PREX2: variants seen among roughly 807,000 people sequenced by gnomAD.
The protein encoded by PREX2 is phosphatidylinositol 3,4,5-trisphosphate-dependent Rac exchanger 2 protein.
In PREX2, 107 loss-of-function variants were observed where a neutral mutation model predicts 203.2. That is an observed-to-expected ratio of 0.53 (90% confidence interval 0.45 to 0.62). The LOEUF (loss-of-function observed/expected upper bound fraction) is 0.62, where lower values mean the gene tolerates loss of function less well. Ranked by LOEUF, PREX2 falls within the 20% of genes least tolerant of loss-of-function variation. PREX2 has a pLI of 0.00. For synonymous variants in PREX2, 672 were observed against 663.6 expected, an observed-to-expected ratio of 1.01 and a Z score of -0.19; for missense variants, 1,777 against 1,955.9, an observed-to-expected ratio of 0.91 and a Z score of 1.72.
At chr8:68,152,669 C>T (rs762774116) in intron 34 of PREX2, among the ~76,000 whole-genome samples, 1 of 152,108 alleles carries the variant, frequency 6.6e-6, no homozygotes, top group African/African-American at 2.4e-5. Context: ...TCAGGAGGCC[C>T]GCAGGCTGAC....
chr8:68,030,701 T>C, intron 6 of PREX2, 43 bp downstream of exon 6: 2 of 1,595,248 alleles, frequency 1.3e-6, no homozygotes, highest in Non-Finnish European at 1.7e-6. Flanking sequence ...GATAGTTTTA[T>C]GTTGCAGGCC....
intron 8 of PREX2, among the ~76,000 whole-genome samples, chr8:68,045,794 G>C (rs1808335498): frequency 6.6e-6 from 1 of 152,092 alleles, no homozygotes; most frequent in African/African-American, 2.4e-5. Context: ...TGCAGTTGCA[G>C]ATACTCCCGT....
chr8:68,170,004 G>C (rs902588450), intron 35 of PREX2, among the ~76,000 whole-genome samples: 2 of 152,152 alleles, frequency 1.3e-5, no homozygotes, highest in Non-Finnish European at 2.9e-5. Flanking sequence ...CAGAGGAGGT[G>C]GTTAAGGATG....
rs759978783 is a variant in PREX2 at position 68,093,593 on chromosome 8, C to T, written c.2251-12C>T. 1 of 1,390,730 alleles carries T rather than the reference C, an allele frequency of 7.2e-7. No individual in the cohort carries two copies. Among genetic ancestry groups the T allele is most frequent in the Non-Finnish European group, 1.0e-6 (1 of 990,270 alleles). The allele number at this position is 1,390,730 out of a possible 1,614,324, so 86.1% of individuals were successfully genotyped here. A position where few individuals can be genotyped will look rare whatever the true frequency, so the allele number is the denominator to read the frequency against. ...TAATACCTCTGAGGTTTCTTTCCCC[C>T]CTCATTTCCAGCAAGATTCCATACA... On this transcript the variant is annotated splice_polypyrimidine_tract_variant and intron_variant, in intron 20 of 39. Transcript: ENST00000288368.
At chr8:68,076,757 A>G (rs1249342675) in intron 14 of PREX2, among the ~76,000 whole-genome samples, 2 of 151,896 alleles carry the variant, frequency 1.3e-5, no homozygotes, top group East Asian at 3.9e-4. Flanking sequence ...CCATACTTAA[A>G]GGCATAAAAT....
intron 15 of PREX2, among the ~76,000 whole-genome samples, chr8:68,078,282 C>T (rs2129611831): frequency 6.6e-6 from 1 of 152,258 alleles, no homozygotes; most frequent in South Asian, 2.1e-4. Flanking sequence ...TCTCCCACCT[C>T]AGCCTCCGGA....
intron 1 of PREX2, among the ~76,000 whole-genome samples, chr8:67,969,028 C>G (rs1048527628): frequency 6.6e-6 from 1 of 152,126 alleles, no homozygotes; most frequent in Admixed American, 6.5e-5. Flanking sequence ...GATTTTCTGC[C>G]GCACTCTGCT....
chr8:68,152,951 G>A (rs150631797), intron 34 of PREX2, among the ~76,000 whole-genome samples: 54 of 152,292 alleles, frequency 3.5e-4, no homozygotes, highest in African/African-American at 1.3e-3. Flanking sequence ...CATGGGAGGT[G>A]TCATCTTATC....
At position 68,055,834 on chromosome 8, in the gene PREX2, A is replaced by G; in HGVS notation, c.1098A>G (p.Leu366=). ...ILKERERRKG[L]KLGMEQDTWV... Reference sequence around the variant, plus strand: ...CCTTTCTTTCATTTTTGATAGGTTTAAAATTAGGAATGGAGCAAGATACCT... The same window carrying G: ...CCTTTCTTTCATTTTTGATAGGTTTGAAATTAGGAATGGAGCAAGATACCT... Residue 366 remains leucine (L), a synonymous_variant, in exon 10 of 40, where the codon TTA becomes TTG. Transcript: ENST00000288368. The G allele has an allele frequency of 6.2e-7, 1 of 1,610,020 alleles. No homozygotes were observed. The highest frequency in any genetic ancestry group is 8.5e-7 in the Non-Finnish European group (1 of 1,178,922).
intron 1 of PREX2, among the ~76,000 whole-genome samples, chr8:67,983,592 T>C (rs1236254052): frequency 3.3e-5 from 5 of 152,222 alleles, no homozygotes; most frequent in African/African-American, 4.8e-5. Context: ...AAGCTGCCCA[T>C]GAGGGCCTCC....
At chr8:68,156,966 A>G (rs1017437774) in intron 34 of PREX2, among the ~76,000 whole-genome samples, 9 of 152,180 alleles carry the variant, frequency 5.9e-5, no homozygotes, top group African/African-American at 2.2e-4. Context: ...ACCAGATCAA[A>G]ATAATCCTTA....
intron 25 of PREX2, among the ~76,000 whole-genome samples, chr8:68,113,392 A>G (rs1290597246): frequency 1.3e-5 from 2 of 152,218 alleles, no homozygotes; most frequent in South Asian, 4.1e-4. Flanking sequence ...CCTCTTTGGT[A>G]TTCAGAGTTC....
intron 14 of PREX2, among the ~76,000 whole-genome samples, chr8:68,076,069 A>T (rs1354681993): frequency 2.0e-5 from 3 of 152,182 alleles, no homozygotes; most frequent in Non-Finnish European, 4.4e-5. Flanking sequence ...AAACCAAGAT[A>T]TGGAAAGTTT....
chr8:68,073,782 A>T (rs989498548), intron 14 of PREX2, among the ~76,000 whole-genome samples: 4 of 152,186 alleles, frequency 2.6e-5, no homozygotes, highest in Non-Finnish European at 5.9e-5. Flanking sequence ...TCTAGAATTC[A>T]TGTGAACTTG....
At chr8:68,123,783 C>G (rs1402210940) in intron 30 of PREX2, among the ~76,000 whole-genome samples, 2 of 143,462 alleles carry the variant, frequency 1.4e-5, no homozygotes, top group African/African-American at 2.5e-5. Flanking sequence ...GCCTGCCAAC[C>G]AAAAAAAAAA....
intron 1 of PREX2, among the ~76,000 whole-genome samples, chr8:67,999,505 CA>C (rs1439225564): frequency 6.8e-6 from 1 of 146,580 alleles, no homozygotes; most frequent in African/African-American, 2.5e-5. Flanking sequence ...AGCCCAGAAC[CA>C]GACAGATTCA....
chr8:68,016,001 G>T (rs945938799), intron 1 of PREX2, among the ~76,000 whole-genome samples: 1 of 152,150 alleles, frequency 6.6e-6, no homozygotes, highest in African/African-American at 2.4e-5. Context: ...TGTAGTTACA[G>T]AATCTGAAAC....
chr8:68,110,955 C>T, intron 25 of PREX2: 2 of 431,072 alleles, frequency 4.6e-6, no homozygotes, highest in East Asian at 7.5e-5. Flanking sequence ...TTCAAGATTG[C>T]TAAGAGAAAA....
At position 67,998,455 on chromosome 8, in the gene PREX2, C is replaced by A. The variant is rs536866523; in HGVS notation, c.142-19391C>A. On this transcript the variant is annotated intron_variant, in intron 1 of 39. Transcript: ENST00000288368. Reference sequence around the variant, plus strand: ...CTTATATCTAGGACTCTTTGGAATTCTAATTTCATATGCAGCCTCTATAAG... The same window carrying A: ...CTTATATCTAGGACTCTTTGGAATTATAATTTCATATGCAGCCTCTATAAG... Among the ~76,000 whole-genome samples, 430 of 152,290 alleles carry A rather than the reference C, an allele frequency of 2.8e-3. 4 individuals carry two copies. Among genetic ancestry groups the A allele is most frequent in the African/African-American group, 1.0e-2 (415 of 41,554 alleles).
Sources: gnomAD v4.1 joint callset for allele counts (sites outside exome capture counted in the v4.1 genomes callset) on GRCh38, gnomAD v4.1.1 for gene constraint, MANE v1.5 for transcripts, NCBI Gene and HGNC (gene_info 2026-07-23, HGNC 2026-07-21) for gene names.